Variants in ITGAD observed in about 807,000 individuals in gnomAD.
ITGAD encodes the protein integrin alpha-D.
A neutral mutation model predicts 139.0 loss-of-function variants in ITGAD; 105 were observed. The observed-to-expected ratio is 0.76, with a 90% CI of 0.65 to 0.89. The LOEUF (loss-of-function observed/expected upper bound fraction) is 0.89, where lower values mean the gene tolerates loss of function less well. Among genes scored for constraint, ITGAD ranks in the 40% least tolerant of loss-of-function variants. The probability of loss-of-function intolerance (pLI) is 0.00; values close to 1 mark genes in which losing one functional copy is unlikely to be tolerated. For synonymous variants in ITGAD, 569 were observed against 598.3 expected, an observed-to-expected ratio of 0.95 and a Z score of 0.71; for missense variants, 1,384 against 1,487.3, an observed-to-expected ratio of 0.93 and a Z score of 1.14.
chr16:31,424,435 T>A (rs1345439677), intron 28 of ITGAD, 32 bp from the exon 29 acceptor site: 2 of 1,562,382 alleles, frequency 1.3e-6, no homozygotes, highest in Admixed American at 1.7e-5. Flanking sequence ...TGGGATGGCA[T>A]GAGGCCGGAT....
chr16:31,415,108 G>T (rs961022807), intron 18 of ITGAD, 117 bp downstream of exon 18: 2 of 1,188,192 alleles, frequency 1.7e-6, no homozygotes, highest in African/African-American at 3.0e-5. Flanking sequence ...CCTGACTCCA[G>T]TCTCTCCCTT....
chr16:31,407,820 T>C lies in ITGAD; in HGVS notation c.913T>C (p.Ser305Pro), dbSNP rs549133508. The change falls in exon 9 of 30, where the codon TCA (serine) becomes CCA (proline). Residue 305 changes from serine to proline, a missense_variant. Ser to Pro is a moderately conservative substitution (Grantham distance 74). Coordinates refer to ENST00000389202, the MANE Select transcript of ITGAD (RefSeq NM_005353.3). Reference sequence around the variant, plus strand: ...CAGGCAGGAGCTGAATACCATCAGCTCAGCGCCTCCGCAGGACCACGTGTT... The same window carrying C: ...CAGGCAGGAGCTGAATACCATCAGCCCAGCGCCTCCGCAGGACCACGTGTT... ...TARQELNTIS[S>P]APPQDHVFKV... 9.9e-6 allele frequency: 16 copies of C among 1,613,672 alleles called. No homozygotes were observed. The Admixed American group carries it at 2.0e-4, about 20-fold the overall frequency.
At chr16:31,415,854 T>G (rs1279848490) in intron 18 of ITGAD, among the ~76,000 whole-genome samples, 4 of 152,190 alleles carry the variant, frequency 2.6e-5, no homozygotes, top group Non-Finnish European at 4.4e-5. Context: ...GTCTTGGGAC[T>G]GTAGTTTCTT....
intron 20 of ITGAD, among the ~76,000 whole-genome samples, chr16:31,417,158 G>A (rs868312199): frequency 4.7e-5 from 7 of 149,290 alleles, no homozygotes; most frequent in East Asian, 3.9e-4. Flanking sequence ...ATCCTCCCAC[G>A]TCAGCCTCCC....
At chr16:31,410,616 G>C in intron 11 of ITGAD, 92 bp downstream of exon 11, 4 of 1,536,446 alleles carry the variant, frequency 2.6e-6, no homozygotes, top group Admixed American at 1.8e-5. Context: ...GCGCTGTGCT[G>C]CCTGGGGTGG....
intron 2 of ITGAD, among the ~76,000 whole-genome samples, chr16:31,397,062 GTTTTTTTT>G (rs539015704): frequency 2.0e-5 from 2 of 100,810 alleles, no homozygotes; most frequent in East Asian, 5.6e-4. Context: ...CTTTAAATAG[GTTTTTTTT>G]TTTTTTTTTT....
chr16:31,408,531 T>C (rs1331809925), intron 10 of ITGAD, 33 bp downstream of exon 10: 24 of 1,588,922 alleles, frequency 1.5e-5, no homozygotes, highest in Non-Finnish European at 2.1e-5. Flanking sequence ...CCATAGCTCT[T>C]GGATACCAAC....
chr16:31,425,968 A>C, intron 29 of ITGAD, 47 bp from the exon 30 acceptor site: 3 of 1,277,064 alleles, frequency 2.3e-6, no homozygotes, highest in Non-Finnish European at 3.4e-6. Flanking sequence ...GGTGTGAGCC[A>C]CCGGGCCCGG....
intron 7 of ITGAD, among the ~76,000 whole-genome samples, chr16:31,405,574 C>A (rs1304617603): frequency 6.6e-6 from 1 of 151,562 alleles, no homozygotes; most frequent in African/African-American, 2.4e-5. Flanking sequence ...ACATTCAGGG[C>A]AGAAGCTATT....
At chr16:31,409,905 C>A (rs1407393800) in intron 10 of ITGAD, among the ~76,000 whole-genome samples, 15 of 106,678 alleles carry the variant, frequency 1.4e-4, no homozygotes, top group African/African-American at 5.4e-4. Flanking sequence ...GAGCAACAGC[C>A]TGTCTCAAAA....
rs1241830308 is a variant in ITGAD, at chr16:31,414,885, C to G, written c.2177C>G (p.Pro726Arg). ...GATTGTGTGGAGGATGTGGTGAGCC[C>G]CATCATTCTGCACCTCAACTTCTCA... ...LPDCVEDVVS[P>R]IILHLNFSLV... The change falls in exon 18 of 30, where the codon CCC (proline) becomes CGC (arginine). Residue 726 changes from proline to arginine, a missense_variant. Physicochemically the swap from Pro to Arg is moderately radical, Grantham distance 103. Transcript: ENST00000389202. The G allele has an allele frequency of 6.2e-7, 1 of 1,613,962 alleles. No individual in the cohort carries two copies. The highest frequency in any genetic ancestry group is 8.5e-7 in the Non-Finnish European group (1 of 1,179,982).
At chr16:31,418,949 G>A (rs961490824) in intron 23 of ITGAD, among the ~76,000 whole-genome samples, 52 of 151,854 alleles carry the variant, frequency 3.4e-4, no homozygotes, top group African/African-American at 6.8e-4. Flanking sequence ...ACTTGAATCC[G>A]GGAGGCGGAG....
intron 10 of ITGAD, 89 bp downstream of exon 10, chr16:31,408,587 G>A: frequency 8.7e-7 from 1 of 1,153,078 alleles, no homozygotes; most frequent in Non-Finnish European, 1.3e-6. Flanking sequence ...ACATAAACAA[G>A]AGCAGACCCC....
rs771327565 is a variant in ITGAD at position 31,424,179 on chromosome 16, A to G, written c.3237A>G (p.Gly1079=). Residue 1079 remains glycine (G), a synonymous_variant, in exon 28 of 30, where the codon GGA becomes GGG. Transcript: ENST00000389202. The part of the protein sequence containing the change: ...FDTSVYSQLP[G]QEAFMRAQME... ...CATCCGTGTACTCCCAGCTTCCAGG[A>G]CAGGAGGCATTTATGAGAGCTCAGG... 6.2e-7 allele frequency: 1 copy of G among 1,614,222 alleles called. No homozygotes were observed. Among genetic ancestry groups the G allele is most frequent in the Non-Finnish European group, 8.5e-7 (1 of 1,180,050 alleles).
chr16:31,417,818 G>A (rs1191829205), intron 20 of ITGAD, among the ~76,000 whole-genome samples: 1 of 152,026 alleles, frequency 6.6e-6, no homozygotes, highest in Non-Finnish European at 1.5e-5. Context: ...ATGGTGGCAG[G>A]CACCTGTAAT....
intron 5 of ITGAD, 64 bp from the exon 6 acceptor site, chr16:31,402,051 A>C (rs1489960907): frequency 1.3e-6 from 2 of 1,566,798 alleles, no homozygotes; most frequent in Non-Finnish European, 8.7e-7. Flanking sequence ...TCTGTTGAGC[A>C]GGAGCTGCAG....
chr16:31,410,269 GGT>G (rs2081651165), intron 10 of ITGAD, 124 bp from the exon 11 acceptor site: 2 of 1,309,776 alleles, frequency 1.5e-6, no homozygotes, highest in Admixed American at 3.8e-5. Context: ...AGAGGCTGCT[GGT>G]GCGGGCCGGG....
At chr16:31,413,468 A>C (rs1212791819) in intron 16 of ITGAD, among the ~76,000 whole-genome samples, 3 of 152,052 alleles carry the variant, frequency 2.0e-5, no homozygotes, top group African/African-American at 7.2e-5. Flanking sequence ...CCTGGGCCCC[A>C]GCCACTGCCT....
In ITGAD at chr16:31,397,792, C is replaced by T. The variant is rs780892736; in HGVS notation, c.313-3C>T. 2 of 1,611,152 alleles carry T rather than the reference C, an allele frequency of 1.2e-6. No individual in the cohort carries two copies. The highest frequency in any genetic ancestry group is 1.1e-5 in the South Asian group (1 of 90,980). The stretch of plus-strand genomic sequence containing the variant: ...CTCCTGGCTCACAGGCTTCTGCCTC[C>T]AGGCCTGTGGCCCGACCCTGCACAG... On this transcript the variant is annotated splice_region_variant and splice_polypyrimidine_tract_variant and intron_variant, in intron 4 of 29. Transcript: ENST00000389202.
Sources: gnomAD v4.1 joint callset for allele counts (sites outside exome capture counted in the v4.1 genomes callset) on GRCh38, gnomAD v4.1.1 for gene constraint, MANE v1.5 for transcripts, NCBI Gene and HGNC (gene_info 2026-07-23, HGNC 2026-07-21) for gene names.